Variants in ZNF44 observed in about 807,000 individuals in gnomAD.
ZNF44 encodes zinc finger protein 44.
Under a neutral mutation model 11.7 loss-of-function variants are expected in ZNF44, and 9 were observed. The observed-to-expected ratio is 0.77, with a 90% confidence interval of 0.46 to 1.35. ZNF44 has a LOEUF of 1.35. ZNF44 is among the 40% of genes most tolerant of loss of function. ZNF44 has a pLI of 0.00. For synonymous variants in ZNF44, 224 were observed against 242.7 expected (o/e 0.92, Z 0.72); for missense variants, 696 against 743.1 (o/e 0.94, Z 0.74).
intron 1 of ZNF44, among the ~76,000 whole-genome samples, chr19:12,235,730 T>A (rs1916363142): frequency 6.6e-6 from 1 of 152,146 alleles, no homozygotes; most frequent in Non-Finnish European, 1.5e-5. Context: ...AAAGATTGCT[T>A]GAGCCCAGCA....
At chr19:12,274,882 C>A in intron 3 of ZNF44, 91 bp downstream of exon 3, 1 of 880,046 alleles carries the variant, frequency 1.1e-6, no homozygotes, top group Non-Finnish European at 1.7e-6. Flanking sequence ...TTAAGCTGGG[C>A]TTGTTCATAA....
chr19:12,242,432 C>T (rs947183790), upstream of ZNF44, among the ~76,000 whole-genome samples: 4 of 151,086 alleles, frequency 2.6e-5, no homozygotes, highest in Non-Finnish European at 4.4e-5. Context: ...ATAGCGTGAA[C>T]CTGGGAGGCG....
At chr19:12,240,583 G>A (rs777078682), upstream of ZNF44, among the ~76,000 whole-genome samples, 28 of 151,500 alleles carry the variant, frequency 1.8e-4, no homozygotes, top group Admixed American at 1.3e-4. Flanking sequence ...TACCATCATC[G>A]AAACCACATG....
At chr19:12,268,275 CATATG>C (rs1295177344), downstream of ZNF44, among the ~76,000 whole-genome samples, 5 of 152,030 alleles carry the variant, frequency 3.3e-5, no homozygotes, top group South Asian at 2.1e-4. Flanking sequence ...TTAATTTTCA[CATATG>C]ATATGAGATA....
At chr19:12,264,341 C>G (rs529488801) in intron 5 of ZNF44, among the ~76,000 whole-genome samples, 1 of 152,248 alleles carries the variant, frequency 6.6e-6, no homozygotes, top group South Asian at 2.1e-4. Context: ...GGAGAACCAC[C>G]TGGGTCTTAA....
At chr19:12,267,395 G>A (rs1350936702), downstream of ZNF44, among the ~76,000 whole-genome samples, 3 of 152,128 alleles carry the variant, frequency 2.0e-5, no homozygotes, top group Non-Finnish European at 4.4e-5. Context: ...AGGGAATACA[G>A]TTATTTAATA....
Position 12,275,035 on chromosome 19 carries a change from TAA to T in ZNF44, c.131-4_131-3del, listed in dbSNP as rs1967152808. 6.4e-7 allele frequency: 1 copy of T among 1,568,110 alleles called. No homozygotes were observed. On this transcript the variant is annotated splice_region_variant and splice_polypyrimidine_tract_variant and intron_variant, in intron 2 of 3. Transcript: ENST00000355684. ...TGTTCTGGTTTTCCCATTTCATTCC[TAA>T]AAGAGAGATCCAGAAAATTCACTAT...
chr19:12,238,133 T>C (rs188546050), upstream of ZNF44: 5 of 152,210 alleles, frequency 3.3e-5, no homozygotes, highest in Admixed American at 3.3e-4. Context: ...AAATGAAATA[T>C]GCCAACAAGG....
chr19:12,236,060 A>C (rs1010470197), intron 1 of ZNF44, among the ~76,000 whole-genome samples: 2 of 152,256 alleles, frequency 1.3e-5, no homozygotes, highest in African/African-American at 2.4e-5. Flanking sequence ...TCTGTGAAAA[A>C]AATGATAAAG....
chr19:12,239,307 T>C (rs1279924537), upstream of ZNF44, among the ~76,000 whole-genome samples: 1 of 151,616 alleles, frequency 6.6e-6, no homozygotes, highest in East Asian at 1.9e-4. Context: ...ATAGACGGGG[T>C]TTCACCATGT....
intron 3 of ZNF44, among the ~76,000 whole-genome samples, chr19:12,227,383 C>T (rs1915963964): frequency 6.6e-6 from 1 of 152,220 alleles, no homozygotes; most frequent in African/African-American, 2.4e-5. Flanking sequence ...GGCAGATCAC[C>T]TTGAGGTCAG....
At chr19:12,252,391 C>T (rs1187470862) in intron 5 of ZNF44, among the ~76,000 whole-genome samples, 1 of 152,152 alleles carries the variant, frequency 6.6e-6, no homozygotes, top group Non-Finnish European at 1.5e-5. Flanking sequence ...GAATCTGTCA[C>T]CAGTACACCT....
intron 5 of ZNF44, among the ~76,000 whole-genome samples, chr19:12,266,547 C>T (rs1165264554): frequency 2.0e-5 from 3 of 152,148 alleles, no homozygotes; most frequent in Non-Finnish European, 4.4e-5. Context: ...GGCCCCTCCC[C>T]CTGGGGTGGG....
In ZNF44 at chr19:12,294,856, C is replaced by T; in HGVS notation, c.-162G>A. 1.3e-6 allele frequency: 1 copy of T among 760,276 alleles called. No individual in the cohort carries two copies. Among genetic ancestry groups the T allele is most frequent in the Non-Finnish European group, 2.0e-6 (1 of 501,146 alleles). 47.1% of individuals were successfully genotyped at this position (760,276 alleles called of 1,614,324 possible). A position where few individuals can be genotyped will look rare whatever the true frequency, so the allele number is the denominator to read the frequency against. ...GCCACTAGCTCCTGGAACGTCACAC[C>T]CTCCTCTCTGCCTCGCGCCTGATTG... On this transcript the variant is annotated 5_prime_UTR_variant, in exon 1 of 4. Transcript: ENST00000355684.
chr19:12,233,550 CA>C (rs58060175), intron 2 of ZNF44, among the ~76,000 whole-genome samples: 15,499 of 80,838 alleles, frequency 0.19, 777 homozygotes, highest in Middle Eastern at 0.25. Context: ...ACCCATACAT[CA>C]AAAAAAAAAA....
intron 2 of ZNF44, among the ~76,000 whole-genome samples, chr19:12,232,038 G>A (rs1017690741): frequency 6.6e-6 from 1 of 152,242 alleles, no homozygotes; most frequent in East Asian, 1.9e-4. Context: ...AGAGGGGGAT[G>A]TGTCAGCGTC....
chr19:12,267,041 TTC>T (rs1917761620), downstream of ZNF44, among the ~76,000 whole-genome samples: 1 of 149,030 alleles, frequency 6.7e-6, no homozygotes, highest in Non-Finnish European at 1.5e-5. Context: ...TTTTTCTTTT[TTC>T]TTTTTTTTTT....
downstream of ZNF44, among the ~76,000 whole-genome samples, chr19:12,268,399 A>T (rs938564515): frequency 2.0e-5 from 3 of 152,042 alleles, no homozygotes; most frequent in East Asian, 5.8e-4. Context: ...ACAGACCATA[A>T]ATGAAGATTA....
chr19:12,273,665 T>A lies in ZNF44; in HGVS notation c.590A>T (p.Tyr197Phe). The change falls in exon 4 of 4, where the codon TAT becomes TTT. Residue 197 changes from tyrosine (Y) to phenylalanine (F), a missense_variant. By Grantham distance (22) the Tyr-to-Phe change is conservative. Coordinates refer to ENST00000355684, the MANE Select transcript of ZNF44 (RefSeq NM_016264.4). The stretch of plus-strand genomic sequence containing the variant: ...GGCTTTCCCACACAATTCACATTTA[T>A]AAGGTCCATCTCCACCTTTTACTAC... ...HMVVKGGDGPYKCELCGKAFF... is the reference protein window; with the variant it reads ...HMVVKGGDGPFKCELCGKAFF... 6.2e-7 allele frequency: 1 copy of A among 1,614,232 alleles called. No homozygotes were observed. Among genetic ancestry groups the A allele is most frequent in the South Asian group, 1.1e-5 (1 of 91,082 alleles).
Sources: gnomAD v4.1 joint callset for allele counts (sites outside exome capture counted in the v4.1 genomes callset) on GRCh38, gnomAD v4.1.1 for gene constraint, MANE v1.5 for transcripts, NCBI Gene and HGNC (gene_info 2026-07-23, HGNC 2026-07-21) for gene names.